TEKT4: variants seen among roughly 807,000 people sequenced by gnomAD.
The protein encoded by TEKT4 is tektin 4.
Under a neutral mutation model 46.0 loss-of-function variants are expected in TEKT4, and 46 were observed. That is an observed-to-expected ratio of 1.00 (90% CI 0.79 to 1.28). The LOEUF (loss-of-function observed/expected upper bound fraction) is 1.28. Ranked by LOEUF, TEKT4 falls within the 50% of genes most tolerant of loss-of-function variation. The pLI is 0.00. For missense variants in TEKT4, 790 were observed against 622.9 expected, an observed-to-expected ratio of 1.27 and a Z score of -2.85; for synonymous variants, 325 against 265.8, an observed-to-expected ratio of 1.22 and a Z score of -2.17.
intron 5 of TEKT4, 106 bp from the exon 6 acceptor site, chr2:94,876,447 A>G (rs782354543): frequency 4.1e-5 from 39 of 939,790 alleles, no homozygotes; most frequent in African/African-American, 6.5e-5. Flanking sequence ...GAGTCTTCCC[A>G]GGACCTCCTG....
chr2:94,872,871 C>T (rs1680640028), intron 1 of TEKT4: 1 of 1,289,268 alleles, frequency 7.8e-7, no homozygotes, highest in African/African-American at 1.5e-5. Context: ...CTCCCGCAAA[C>T]TCTCTGCCCG....
At chr2:94,874,527 G>A (rs1172343977) in intron 3 of TEKT4, among the ~76,000 whole-genome samples, 3 of 151,436 alleles carry the variant, frequency 2.0e-5, no homozygotes, top group Non-Finnish European at 3.0e-5. Flanking sequence ...GAACGGGGTC[G>A]CGGGGGCACG....
chr2:94,871,738 C>A lies in TEKT4; in HGVS notation c.159C>A (p.His53Gln). The stretch of plus-strand genomic sequence containing the variant: ...TCCAGAACTGCTATGCTCGCTACCA[C>A]CAGGCCTTCGCCGACCGCGACCAGT... ...EWFQNCYARY[H>Q]QAFADRDQSE... The change falls in exon 1 of 6, where the codon CAC (histidine) becomes CAA (glutamine). Residue 53 changes from histidine to glutamine, a missense_variant. By Grantham distance (24) the His-to-Gln change is conservative (BLOSUM62 0). Transcript: ENST00000295201. 6.2e-7 allele frequency: 1 copy of A among 1,612,668 alleles called. No individual in the cohort carries two copies. The highest frequency in any genetic ancestry group is 8.5e-7 in the Non-Finnish European group (1 of 1,179,914).
chr2:94,876,014 G>A (rs1447417157), intron 5 of TEKT4, among the ~76,000 whole-genome samples: 1 of 152,192 alleles, frequency 6.6e-6, no homozygotes, highest in Non-Finnish European at 1.5e-5. Flanking sequence ...ATCTTCCCGG[G>A]AGGAAGCTCC....
At position 94,876,575 on chromosome 2, in the gene TEKT4, C is replaced by A. The variant is rs782056721; in HGVS notation, c.1114C>A (p.Leu372Met). 1 of 1,609,794 alleles carries A rather than the reference C, an allele frequency of 6.2e-7. No individual in the cohort carries two copies. Among genetic ancestry groups the A allele is most frequent in the Admixed American group, 1.7e-5 (1 of 59,714 alleles). Residue 372 changes from leucine to methionine, a missense_variant, in exon 6 of 6, where the codon CTG becomes ATG. By Grantham distance (15) the Leu-to-Met change is conservative. Transcript: ENST00000295201. ...CAGGCTGTTGAGTGAGGTGGAGGAGCTGAACATGTCCCTCACAGCACTGCG... is the reference window on the plus strand; with the variant it reads ...CAGGCTGTTGAGTGAGGTGGAGGAGATGAACATGTCCCTCACAGCACTGCG... ...QFRLLSEVEE[L>M]NMSLTALREK...
intron 2 of TEKT4, 79 bp downstream of exon 2, chr2:94,873,669 C>A: frequency 1.3e-6 from 2 of 1,568,574 alleles, no homozygotes; most frequent in Non-Finnish European, 8.7e-7. Flanking sequence ...AACGACAGGA[C>A]CCTGAGACTC....
intron 5 of TEKT4, 114 bp from the exon 6 acceptor site, chr2:94,876,439 G>A (rs534243563): frequency 3.6e-6 from 3 of 840,020 alleles, no homozygotes; most frequent in East Asian, 2.7e-5. Context: ...CTTTCATGGA[G>A]TCTTCCCAGG....
rs1680874739 is a variant in TEKT4, at chr2:94,876,719, G to A, written c.1258G>A (p.Ala420Thr). 3 of 1,611,776 alleles carry A rather than the reference G, an allele frequency of 1.9e-6. No individual in the cohort carries two copies. Among genetic ancestry groups the A allele is most frequent in the Non-Finnish European group, 2.5e-6 (3 of 1,179,996 alleles). Residue 420 changes from alanine (A) to threonine (T), a missense_variant, in exon 6 of 6, where the codon GCC becomes ACC. By Grantham distance (58) the Ala-to-Thr change is moderately conservative. Coordinates refer to ENST00000295201, the MANE Select transcript of TEKT4 (RefSeq NM_144705.4). The part of the protein sequence containing the change: ...SLFIDRQKCM[A>T]HRTRYPTILQ... ...CTTCATCGACCGCCAGAAGTGCATG[G>A]CCCATCGTACTCGCTACCCCACCAT...
chr2:94,876,080 T>C (rs1318448386), intron 5 of TEKT4, among the ~76,000 whole-genome samples: 3 of 152,178 alleles, frequency 2.0e-5, no homozygotes. Context: ...GGCAGGGCCA[T>C]TCCCTGCTGC....
In TEKT4 at chr2:94,874,064, C is replaced by A; in HGVS notation, c.669C>A (p.Ser223Arg). The A allele has an allele frequency of 6.2e-7, 1 of 1,613,672 alleles. No homozygotes were observed. The change falls in exon 3 of 6, where the codon AGC (serine) becomes AGA (arginine). Residue 223 changes from serine to arginine, a missense_variant. Physicochemically the swap from Ser to Arg is moderately radical, Grantham distance 110. Coordinates refer to ENST00000295201, the MANE Select transcript of TEKT4 (RefSeq NM_144705.4). ...DETCGRHHSQSTEVQAHPYST... is the reference protein window; with the variant it reads ...DETCGRHHSQRTEVQAHPYST... ...CCTGCGGGCGCCACCACAGCCAGAG[C>A]ACCGAGGTGCAGGCTCATCCGTACT... is the stretch of plus-strand genomic sequence containing the variant.
Position 94,876,750 on chromosome 2 carries a change from A to G in TEKT4, c.1289A>G (p.Gln430Arg), listed in dbSNP as rs1680876492. Reference sequence around the variant, plus strand: ...CGTACTCGCTACCCCACCATCCTGCAGCTGGCTGGCTACCAGTGAGCAGCG... The same window carrying G: ...CGTACTCGCTACCCCACCATCCTGCGGCTGGCTGGCTACCAGTGAGCAGCG... Reference protein sequence around the residue: ...AHRTRYPTILQLAGYQ With the variant: ...AHRTRYPTILRLAGYQ The change falls in exon 6 of 6, where the codon CAG (glutamine) becomes CGG (arginine). Residue 430 changes from glutamine (Q) to arginine (R), a missense_variant. Gln to Arg is a conservative substitution (Grantham distance 43, BLOSUM62 1). Transcript: ENST00000295201. 6.2e-7 allele frequency: 1 copy of G among 1,608,056 alleles called. No homozygotes were observed. The highest frequency in any genetic ancestry group is 2.2e-5 in the East Asian group (1 of 44,880).
intron 3 of TEKT4, among the ~76,000 whole-genome samples, chr2:94,874,325 G>C (rs1200231985): frequency 6.6e-6 from 1 of 152,222 alleles, no homozygotes. Flanking sequence ...GGACAGAGTA[G>C]GGTGGGGTCA....
intron 5 of TEKT4, among the ~76,000 whole-genome samples, chr2:94,876,058 C>T (rs1680838574): frequency 6.6e-6 from 1 of 152,318 alleles, no homozygotes; most frequent in South Asian, 2.1e-4. Context: ...GGCCACAGAG[C>T]CAGAGAGGCC....
rs1306632755 is a variant in TEKT4 at position 94,874,929 on chromosome 2, C to T, written c.867C>T (p.Asn289=). The T allele has an allele frequency of 6.2e-7, 1 of 1,612,284 alleles. No homozygotes were observed. The highest frequency in any genetic ancestry group is 1.3e-5 in the African/African-American group (1 of 75,040). The change falls in exon 4 of 6, where the codon AAC becomes AAT. Residue 289 remains asparagine, a synonymous_variant. Coordinates refer to ENST00000295201, the MANE Select transcript of TEKT4 (RefSeq NM_144705.4). ...EDLRLQCDAV[N]LAFGRRCEEL... Reference sequence around the variant, plus strand: ...TGCGGCTCCAGTGCGACGCCGTGAACCTGGCCTTCGGGCGCCGCTGTGAGG... The same window carrying T: ...TGCGGCTCCAGTGCGACGCCGTGAATCTGGCCTTCGGGCGCCGCTGTGAGG...
rs186597741 is a variant in TEKT4, at chr2:94,876,536, C to T, written c.1092-17C>T. Reference sequence around the variant, plus strand: ...TGCCCTCCCTAGCCCCGGCTCACACCCCCCCAACACCCCCAGGCTGTTGAG... The same window carrying T: ...TGCCCTCCCTAGCCCCGGCTCACACTCCCCCAACACCCCCAGGCTGTTGAG... On this transcript the variant is annotated splice_polypyrimidine_tract_variant and intron_variant, in intron 5 of 5. Transcript: ENST00000295201. The T allele has an allele frequency of 7.5e-6, 12 of 1,591,320 alleles. No homozygotes were observed. The highest frequency in any genetic ancestry group is 1.3e-5 in the African/African-American group (1 of 74,524).
At position 94,871,471 on chromosome 2, in the gene TEKT4, G is replaced by C; in HGVS notation, c.-109G>C. 7.3e-7 allele frequency: 1 copy of C among 1,374,042 alleles called. No individual in the cohort carries two copies. Among genetic ancestry groups the C allele is most frequent in the Non-Finnish European group, 9.6e-7 (1 of 1,039,828 alleles). 85.1% of individuals were successfully genotyped at this position (1,374,042 alleles called of 1,614,324 possible). Reference sequence around the variant, plus strand: ...CCCAAGCGACTGGGAGCCGCGTCCTGCTCTGGGACTGAGCCGTTGGAGCTG... The same window carrying C: ...CCCAAGCGACTGGGAGCCGCGTCCTCCTCTGGGACTGAGCCGTTGGAGCTG... On this transcript the variant is annotated 5_prime_UTR_variant, in exon 1 of 6. Coordinates refer to ENST00000295201, the MANE Select transcript of TEKT4 (RefSeq NM_144705.4).
chr2:94,872,217 G>A (rs1191910632), intron 1 of TEKT4, 140 bp downstream of exon 1: 15 of 1,148,254 alleles, frequency 1.3e-5, no homozygotes, highest in South Asian at 8.1e-5. Context: ...CCTGAGTCCC[G>A]AAATCTGGCC....
intron 5 of TEKT4, among the ~76,000 whole-genome samples, chr2:94,876,035 G>A (rs1409370621): frequency 6.6e-6 from 1 of 152,196 alleles, no homozygotes; most frequent in East Asian, 1.9e-4. Context: ...TTCAGACAAG[G>A]TGAGCTCCAG....
chr2:94,873,393 TC>T, intron 1 of TEKT4, 126 bp from the exon 2 acceptor site: 5 of 1,543,212 alleles, frequency 3.2e-6, no homozygotes, highest in Non-Finnish European at 4.4e-6. Flanking sequence ...ACTTACACAG[TC>T]AGAGCTCAGG....
Sources: allele counts gnomAD v4.1 joint callset (sites outside exome capture counted in the v4.1 genomes callset), GRCh38; gene constraint gnomAD v4.1.1; transcripts MANE v1.5; gene names NCBI Gene and HGNC (gene_info 2026-07-23, HGNC 2026-07-21).